Variants in ATP6AP1 observed in about 807,000 individuals in gnomAD.
ATP6AP1 encodes ATPase H+ transporting accessory protein 1.
In ATP6AP1, 1 loss-of-function variant was observed where a neutral mutation model predicts 32.0. The ratio of observed to expected loss-of-function variants is 0.03; its 90% confidence interval spans 0.01 to 0.15. ATP6AP1 has a LOEUF of 0.15. Ranked by LOEUF, ATP6AP1 falls within the 10% of genes least tolerant of loss-of-function variation. The pLI is 1.00. For synonymous variants in ATP6AP1, 187 were observed against 174.9 expected, an observed-to-expected ratio of 1.07 and a Z score of -0.55; for missense variants, 297 against 398.8, an observed-to-expected ratio of 0.74 and a Z score of 2.17.
rs782597304 is a variant in ATP6AP1 at position 154,433,692 on chromosome X, C to T, written c.656C>T (p.Ala219Val). The T allele has an allele frequency of 1.9e-5, 23 of 1,210,137 alleles. No homozygotes were observed. The highest frequency in any genetic ancestry group is 2.5e-5 in the Non-Finnish European group (22 of 894,994). The change falls in exon 6 of 10, where the codon GCG (alanine) becomes GTG (valine). Residue 219 changes from alanine to valine, a missense_variant. Ala to Val is a moderately conservative substitution (Grantham distance 64). This residue lies in a region of ATP6AP1 where 155 missense variants were observed against 253.8 expected (regional missense o/e 0.61). Coordinates refer to ENST00000369762, the MANE Select transcript of ATP6AP1 (RefSeq NM_001183.6). Reference protein sequence around the residue: ...TLKSEDVPYTAALTAVRPSRV... With the variant: ...TLKSEDVPYTVALTAVRPSRV... ...AAGTCCGAAGATGTCCCATACACAG[C>T]GGCCCTCACAGCGGTCCGCCCTTCC... is the stretch of plus-strand genomic sequence containing the variant.
At chrX:154,434,939 C>A (rs1490538667) in intron 7 of ATP6AP1, among the ~76,000 whole-genome samples, 200 bp from the exon 8 acceptor site, 2 of 111,975 alleles carry the variant, frequency 1.8e-5, no homozygotes, top group Non-Finnish European at 3.8e-5. Flanking sequence ...GACCTGGGTC[C>A]TGGCTTCCAG....
At chrX:154,428,963 C>T (rs188843050) in intron 1 of ATP6AP1, 85 bp from the exon 2 acceptor site, 2 of 1,167,191 alleles carry the variant, frequency 1.7e-6, no homozygotes, top group South Asian at 2.0e-5. Flanking sequence ...GTTCCTTGCT[C>T]GGGGGCTCGC....
At position 154,431,819 on chromosome X, in the gene ATP6AP1, T is replaced by A. The variant is rs1005586818; in HGVS notation, c.289-11T>A. ...AAACCTCCTCAGATGTCTCCCCTAT[T>A]TCCCTAATAGCTGAGCATTGAGGAT... On this transcript the variant is annotated splice_polypyrimidine_tract_variant and intron_variant, in intron 2 of 9. Transcript: ENST00000369762. The A allele has an allele frequency of 8.3e-7, 1 of 1,210,133 alleles. No individual in the cohort carries two copies. Among genetic ancestry groups the A allele is most frequent in the Non-Finnish European group, 1.1e-6 (1 of 894,265 alleles).
chrX:154,433,759 G>A (rs1557197216), intron 6 of ATP6AP1, 39 bp downstream of exon 6: 6 of 1,174,775 alleles, frequency 5.1e-6, no homozygotes, highest in Non-Finnish European at 6.9e-6. Context: ...GGCGTGCAGG[G>A]AGAGGCAGTG....
chrX:154,429,014 C>A, intron 1 of ATP6AP1, 34 bp from the exon 2 acceptor site: 1 of 1,203,186 alleles, frequency 8.3e-7, no homozygotes, highest in South Asian at 1.8e-5. Flanking sequence ...CACATGCGCC[C>A]CCGTCTGACA....
Position 154,429,102 on chromosome X carries a change from G to A in ATP6AP1, c.216G>A (p.Leu72=), listed in dbSNP as rs782109311. 3 of 1,210,121 alleles carry A rather than the reference G, an allele frequency of 2.5e-6. No individual in the cohort carries two copies. Among genetic ancestry groups the A allele is most frequent in the Admixed American group, 2.2e-5 (1 of 45,850 alleles). ...ATGAAGGCCACATCACCAGCGACTT[G>A]CAGCTCTCTACCTACTTAGATCCCG... is the stretch of plus-strand genomic sequence containing the variant. ...DTHEGHITSD[L]QLSTYLDPAL... is the part of the protein sequence containing the mutation. The change falls in exon 2 of 10, where the codon TTG becomes TTA. Residue 72 remains leucine, a synonymous_variant. Transcript: ENST00000369762.
intron 2 of ATP6AP1, 198 bp from the exon 3 acceptor site, chrX:154,431,632 T>C (rs1557196788): frequency 4.3e-6 from 2 of 463,124 alleles, no homozygotes; most frequent in East Asian, 3.5e-5. Flanking sequence ...CTTCTCACCC[T>C]GCCCTGAGAG....
intron 4 of ATP6AP1, 35 bp downstream of exon 4, chrX:154,432,494 G>T (rs1451859742): frequency 8.8e-7 from 1 of 1,141,240 alleles, no homozygotes; most frequent in Non-Finnish European, 1.2e-6. Flanking sequence ...CAGCCTCGGG[G>T]CCCAGAGAGC....
Position 154,428,779 on chromosome X carries a change from T to G in ATP6AP1, c.87T>G (p.Phe29Leu), listed in dbSNP as rs2068677936. 2 of 1,129,206 alleles carry G rather than the reference T, an allele frequency of 1.8e-6. No homozygotes were observed. The highest frequency in any genetic ancestry group is 2.5e-4 in the Middle Eastern group (1 of 3,956). 93.1% of individuals were successfully genotyped at this position (1,129,206 alleles called of 1,213,427 possible). A position where few individuals can be genotyped will look rare whatever the true frequency, so the allele number is the denominator to read the frequency against. The change falls in exon 1 of 10, where the codon TTT becomes TTG. Residue 29 changes from phenylalanine to leucine, a missense_variant. Around this residue, in one of 2 missense-constraint regions of ATP6AP1, gnomAD observed 142 missense variants for 145.0 expected, o/e 0.98. Coordinates refer to ENST00000369762, the MANE Select transcript of ATP6AP1 (RefSeq NM_001183.6). ...ALWRMPWLPV[F>L]LSLAAAAAAA... is the part of the protein sequence containing the mutation. ...GGCGCATGCCGTGGCTGCCGGTGTTTTTGTCGTTGGCGGCGGCGGCGGCGG... is the reference window on the plus strand; with the variant it reads ...GGCGCATGCCGTGGCTGCCGGTGTTGTTGTCGTTGGCGGCGGCGGCGGCGG...
rs782006129 is a variant in ATP6AP1 at position 154,432,818 on chromosome X, G to A, written c.558-113G>A. 9 of 918,388 alleles carry A rather than the reference G, an allele frequency of 9.8e-6. No individual in the cohort carries two copies. In the African/African-American group the frequency reaches 1.8e-4, roughly 18 times the overall value. The allele number at this position is 918,388 out of a possible 1,213,427, so 75.7% of individuals were successfully genotyped here. A position where few individuals can be genotyped will look rare whatever the true frequency, so the allele number is the denominator to read the frequency against. ...GGAGGGGGCACTGAGGTAAGAGTGT[G>A]CAGGCTTGGTGCGTGGGGCTAGTGG... On this transcript the variant is annotated intron_variant, in intron 4 of 9. Transcript: ENST00000369762.
intron 5 of ATP6AP1, among the ~76,000 whole-genome samples, chrX:154,433,301 CA>C (rs1429550065): frequency 1.8e-5 from 2 of 112,564 alleles, no homozygotes; most frequent in Admixed American, 1.9e-4. Flanking sequence ...TCTGGGGACT[CA>C]TCTATTTGCA....
rs782264629 is a variant in ATP6AP1 at position 154,435,256 on chromosome X, C to T, written c.972-18C>T. The T allele has an allele frequency of 2.5e-6, 3 of 1,208,406 alleles. No homozygotes were observed. Among genetic ancestry groups the T allele is most frequent in the Admixed American group, 2.2e-5 (1 of 45,780 alleles). ...CCAGCCTCCCCAGCTCACCTGACAT[C>T]CCTGCCACCTTCCCCAGGTTCATTC... On this transcript the variant is annotated intron_variant, in intron 8 of 9. Coordinates refer to ENST00000369762, the MANE Select transcript of ATP6AP1 (RefSeq NM_001183.6).
In ATP6AP1 at chrX:154,429,039, C is replaced by A; in HGVS notation, c.162-9C>A. The A allele has an allele frequency of 9.1e-6, 11 of 1,210,605 alleles. No individual in the cohort carries two copies. The highest frequency in any genetic ancestry group is 1.1e-5 in the Non-Finnish European group (10 of 894,794). On this transcript the variant is annotated splice_polypyrimidine_tract_variant and intron_variant, in intron 1 of 9. Transcript: ENST00000369762. ...CCCGTCTGACAGCACCTCTTCTGTG[C>A]CCTGCCAGGGACTTGTGGGCTCCTG...
At chrX:154,433,514 G>A (rs187432231) in intron 5 of ATP6AP1, 121 bp from the exon 6 acceptor site, 1 of 727,588 alleles carries the variant, frequency 1.4e-6, no homozygotes, top group Non-Finnish European at 2.1e-6. Flanking sequence ...AGGATCCTCA[G>A]TGGAAAGTAA....
Position 154,435,349 on chromosome X carries a change from C to G in ATP6AP1, c.1047C>G (p.Ser349Arg). 1 of 1,212,130 alleles carries G rather than the reference C, an allele frequency of 8.2e-7. No individual in the cohort carries two copies. Among genetic ancestry groups the G allele is most frequent in the Non-Finnish European group, 1.1e-6 (1 of 895,583 alleles). Residue 349 changes from serine (S) to arginine (R), a missense_variant, in exon 9 of 10, where the codon AGC (serine) becomes AGG (arginine). By Grantham distance (110) the Ser-to-Arg change is moderately radical. This residue lies in a region of ATP6AP1 where 155 missense variants were observed against 253.8 expected (regional missense o/e 0.61). Transcript: ENST00000369762. ...CCATGGAGCGCCTCGAAGTCCACAG[C>G]AATGGCTCCGTCGCCTACTTCAATG... ...WFTMERLEVHSNGSVAYFNAS... is the reference protein window; with the variant it reads ...WFTMERLEVHRNGSVAYFNAS...
chrX:154,434,926 G>A (rs2068711210), intron 7 of ATP6AP1, among the ~76,000 whole-genome samples: 1 of 111,848 alleles, frequency 8.9e-6, no homozygotes, highest in Admixed American at 9.4e-5. Context: ...TGGTGGCAAG[G>A]GGGACCTGGG....
chrX:154,431,486 C>A, intron 2 of ATP6AP1: 1 of 185,420 alleles, frequency 5.4e-6, no homozygotes, highest in Non-Finnish European at 9.9e-6. Flanking sequence ...GGCTGCCCCA[C>A]CCCCTCCCCG....
intron 4 of ATP6AP1, 81 bp from the exon 5 acceptor site, chrX:154,432,850 G>A: frequency 9.0e-7 from 1 of 1,113,083 alleles, no homozygotes; most frequent in Non-Finnish European, 1.2e-6. Flanking sequence ...GTGGGGAGGA[G>A]AAGCTGGGGT....
In ATP6AP1 at chrX:154,432,491, G is replaced by A. The variant is rs781925757; in HGVS notation, c.557+32G>A. 3.3e-5 allele frequency: 38 copies of A among 1,143,958 alleles called. No individual in the cohort carries two copies. The East Asian group carries it at 6.5e-4, about 20-fold the overall frequency. 94.3% of individuals were successfully genotyped at this position (1,143,958 alleles called of 1,213,427 possible). A position where few individuals can be genotyped will look rare whatever the true frequency, so the allele number is the denominator to read the frequency against. On this transcript the variant is annotated intron_variant, in intron 4 of 9. Coordinates refer to ENST00000369762, the MANE Select transcript of ATP6AP1 (RefSeq NM_001183.6). Reference sequence around the variant, plus strand: ...CCCGCATGGCCCAGCCACCAGCCTCGGGGCCCAGAGAGCAGCAAGGCCCTG... The same window carrying A: ...CCCGCATGGCCCAGCCACCAGCCTCAGGGCCCAGAGAGCAGCAAGGCCCTG...
Sources: gnomAD v4.1 joint callset for allele counts (sites outside exome capture counted in the v4.1 genomes callset) on GRCh38, gnomAD v4.1.1 for gene constraint, gnomAD v4.1.1 regional missense constraint, MANE v1.5 for transcripts, NCBI Gene and HGNC (gene_info 2026-07-23, HGNC 2026-07-21) for gene names.